The following GRIN2A variants were observed in gnomAD, a reference collection of about 807,000 sequenced individuals.
GRIN2A encodes glutamate receptor ionotropic, NMDA 2A.
GRIN2A carries 22 observed loss-of-function variants against 113.4 expected under a neutral mutation model. That is an observed-to-expected ratio of 0.19 (90% confidence interval 0.14 to 0.28). GRIN2A has a LOEUF of 0.28. GRIN2A is among the 10% of genes least tolerant of loss of function. The pLI, the probability that GRIN2A is intolerant of heterozygous loss-of-function variation, is 1.00. For missense variants in GRIN2A, 1,502 were observed against 1,887.0 expected (o/e 0.80, Z 3.78); for synonymous variants, 827 against 738.4 (o/e 1.12, Z -1.94).
chr16:10,134,451 G>A (rs992267270), intron 2 of GRIN2A, among the ~76,000 whole-genome samples: 2 of 147,598 alleles, frequency 1.4e-5, no homozygotes, highest in African/African-American at 5.0e-5. Context: ...CAGAAGGCGG[G>A]GAATATCACA....
intron 2 of GRIN2A, among the ~76,000 whole-genome samples, chr16:10,131,471 AT>A (rs34673023): frequency 0.18 from 25,716 of 144,088 alleles, 2,592 homozygotes; most frequent in East Asian, 0.36. Context: ...CACTTATCCC[AT>A]TTTTTTTTTT....
At chr16:9,886,350 A>G (rs1366747025) in intron 4 of GRIN2A, among the ~76,000 whole-genome samples, 1 of 152,240 alleles carries the variant, frequency 6.6e-6, no homozygotes, top group Non-Finnish European at 1.5e-5. Context: ...AAGTAATGAT[A>G]TAAGAAAATA....
intron 2 of GRIN2A, among the ~76,000 whole-genome samples, chr16:9,967,551 A>G (rs12102504): frequency 0.011 from 1,680 of 152,260 alleles, 26 homozygotes; most frequent in African/African-American, 0.039. Flanking sequence ...CTAAAAATAC[A>G]AAAATTAGCC....
chr16:9,839,376 T>G (rs935179827), intron 7 of GRIN2A, among the ~76,000 whole-genome samples: 1 of 144,984 alleles, frequency 6.9e-6, no homozygotes. Context: ...TTCCTTGATT[T>G]AAAAAAAAAA....
chr16:9,970,145 G>C (rs1402798796), intron 2 of GRIN2A, among the ~76,000 whole-genome samples: 1 of 152,224 alleles, frequency 6.6e-6, no homozygotes, highest in Admixed American at 6.5e-5. Flanking sequence ...TTCAATGTTT[G>C]AGTAAGCACT....
At chr16:9,903,205 A>C (rs1471721568) in intron 3 of GRIN2A, among the ~76,000 whole-genome samples, 3 of 151,870 alleles carry the variant, frequency 2.0e-5, no homozygotes, top group Non-Finnish European at 2.9e-5. Flanking sequence ...TCCTGACCTC[A>C]TGATCCGCCA....
intron 2 of GRIN2A, among the ~76,000 whole-genome samples, chr16:10,127,845 T>C (rs1470236768): frequency 6.6e-6 from 1 of 152,188 alleles, no homozygotes; most frequent in Non-Finnish European, 1.5e-5. Context: ...AGTCTGGTCT[T>C]TACCCTTGGT....
At chr16:10,168,105 G>C (rs952324819) in intron 2 of GRIN2A, among the ~76,000 whole-genome samples, 1 of 152,110 alleles carries the variant, frequency 6.6e-6, no homozygotes, top group Admixed American at 6.5e-5. Context: ...CGAGATCATT[G>C]GCAATTATTC....
rs201432783 is a variant in GRIN2A at position 9,788,735 on chromosome 16, G to GTCT, written c.2356+9539_2356+9541dup. Among the ~76,000 whole-genome samples, 160 of 113,838 alleles carry GTCT rather than the reference G, an allele frequency of 1.4e-3. 1 individual carries two copies. The highest frequency in any genetic ancestry group is 5.6e-3 in the East Asian group (24 of 4,316). 74.7% of individuals were successfully genotyped at this position (113,838 alleles called of 152,430 possible). A position where few individuals can be genotyped will look rare whatever the true frequency, so the allele number is the denominator to read the frequency against. Reference sequence around the variant, plus strand: ...AGGAGAACTGGACAACCAACTTTAAGTCTTCTTTTTTTTTTTTTTTTTTCT... The same window carrying GTCT: ...AGGAGAACTGGACAACCAACTTTAAGTCTTCTTCTTTTTTTTTTTTTTTTTTCT... On this transcript the variant is annotated intron_variant, in intron 11 of 12. Coordinates refer to ENST00000330684, the MANE Select transcript of GRIN2A (RefSeq NM_001134407.3).
intron 9 of GRIN2A, among the ~76,000 whole-genome samples, chr16:9,823,403 G>A (rs1195277190): frequency 1.3e-5 from 2 of 152,164 alleles, no homozygotes. Context: ...GTAGAGTGGG[G>A]GGCCACCATG....
At chr16:10,177,812 A>G (rs1032602049) in intron 2 of GRIN2A, among the ~76,000 whole-genome samples, 4 of 152,152 alleles carry the variant, frequency 2.6e-5, no homozygotes, top group African/African-American at 9.7e-5. Flanking sequence ...AAGATTCACT[A>G]GCAGGCAGGG....
intron 2 of GRIN2A, among the ~76,000 whole-genome samples, chr16:10,052,460 C>T (rs757530313): frequency 2.6e-5 from 4 of 152,326 alleles, no homozygotes; most frequent in East Asian, 1.9e-4. Context: ...CCAACAGGAA[C>T]GGTCAAGTCC....
rs188704838 is a variant in GRIN2A at position 10,023,745 on chromosome 16, G to C, written c.415-85194C>G. Among the ~76,000 whole-genome samples, 7 of 152,300 alleles carry C rather than the reference G, an allele frequency of 4.6e-5. No individual in the cohort carries two copies. The East Asian group carries it at 1.3e-3, about 29-fold the overall frequency. On this transcript the variant is annotated intron_variant, in intron 2 of 12. Coordinates refer to ENST00000330684, the MANE Select transcript of GRIN2A (RefSeq NM_001134407.3). The stretch of plus-strand genomic sequence containing the variant: ...GAACCTACAAACAGAAATAATGTGA[G>C]AGGTCACAAGTCCACTCATTTGCAC...
At chr16:9,844,511 A>T (rs972472093) in intron 5 of GRIN2A, among the ~76,000 whole-genome samples, 3 of 152,224 alleles carry the variant, frequency 2.0e-5, no homozygotes, top group Admixed American at 6.5e-5. Flanking sequence ...AGACTGAGAA[A>T]TGGTCCCCAT....
chr16:10,168,796 T>C (rs1334459140), intron 2 of GRIN2A, among the ~76,000 whole-genome samples: 1 of 151,950 alleles, frequency 6.6e-6, no homozygotes, highest in African/African-American at 2.4e-5. Flanking sequence ...TAAAACCCCA[T>C]CTCTACTAAA....
chr16:9,910,533 A>C (rs980486167), intron 3 of GRIN2A, among the ~76,000 whole-genome samples: 2 of 135,660 alleles, frequency 1.5e-5, no homozygotes, highest in Non-Finnish European at 3.2e-5. Flanking sequence ...GAAGTCTCAG[A>C]GTTCTTTTTT....
At chr16:9,867,874 GACAGCCCCT>G (rs2043188146) in intron 4 of GRIN2A, among the ~76,000 whole-genome samples, 3 of 151,712 alleles carry the variant, frequency 2.0e-5, no homozygotes, top group Admixed American at 1.3e-4. Flanking sequence ...CACCTCTCTT[GACAGCCCCT>G]GATCTGCTGC....
chr16:10,042,054 T>C (rs555196906), intron 2 of GRIN2A, among the ~76,000 whole-genome samples: 2 of 152,242 alleles, frequency 1.3e-5, no homozygotes, highest in East Asian at 1.9e-4. Context: ...CCTTAGGTGA[T>C]TAATAGCAAT....
chr16:9,808,326 G>A (rs2042020422), intron 10 of GRIN2A, among the ~76,000 whole-genome samples: 2 of 152,256 alleles, frequency 1.3e-5, no homozygotes, highest in South Asian at 4.1e-4. Flanking sequence ...TCCCAACACT[G>A]GATGTCACTG....
Sources: allele counts gnomAD v4.1 joint callset (sites outside exome capture counted in the v4.1 genomes callset), GRCh38; gene constraint gnomAD v4.1.1; transcripts MANE v1.5; gene names NCBI Gene and HGNC (gene_info 2026-07-23, HGNC 2026-07-21).